LRRFIP1: variants seen among roughly 807,000 people sequenced by gnomAD.
The protein encoded by LRRFIP1 is LRR binding FLII interacting protein 1.
LRRFIP1 carries 62 observed loss-of-function variants against 104.4 expected under a neutral mutation model. That is an observed-to-expected ratio of 0.59 (90% CI 0.48 to 0.73). LRRFIP1 has a LOEUF of 0.73. LRRFIP1 is among the 30% of genes least tolerant of loss of function. The probability of loss-of-function intolerance (pLI) is 0.00; values close to 1 mark genes in which losing one functional copy is unlikely to be tolerated. For missense variants in LRRFIP1, 796 were observed against 824.5 expected (o/e 0.97, Z 0.42); for synonymous variants, 300 against 299.0 (o/e 1.00, Z -0.03).
intron 1 of LRRFIP1, among the ~76,000 whole-genome samples, chr2:237,644,389 C>T (rs1473416227): frequency 6.6e-6 from 1 of 152,216 alleles, no homozygotes; most frequent in Non-Finnish European, 1.5e-5. Flanking sequence ...TGTATTAACA[C>T]AGCCTGCCAG....
intron 19 of LRRFIP1, among the ~76,000 whole-genome samples, chr2:237,760,539 A>G (rs1433406453): frequency 6.6e-6 from 1 of 152,248 alleles, no homozygotes; most frequent in African/African-American, 2.4e-5. Flanking sequence ...CCTCAGACAC[A>G]TATATATCTG....
chr2:237,735,093 T>G lies in LRRFIP1; in HGVS notation c.490-175T>G, dbSNP rs2095191044. Among the ~76,000 whole-genome samples the G allele has an allele frequency of 6.6e-6, 1 of 152,186 alleles. No individual in the cohort carries two copies. Among genetic ancestry groups the G allele is most frequent in the Non-Finnish European group, 1.5e-5 (1 of 68,034 alleles). ...AAACCGGTCTCTCCTCATTTCCTTG[T>G]CGCACTCTGCAACCCTTTGAAGAGC... is the stretch of plus-strand genomic sequence containing the variant. On this transcript the variant is annotated intron_variant, in intron 9 of 23. Transcript: ENST00000308482. The surrounding 1 kb of genome is among the most constrained non-coding windows in gnomAD (Gnocchi z 4.6).
chr2:237,741,868 A>G (rs555015376), intron 11 of LRRFIP1, among the ~76,000 whole-genome samples: 1 of 152,222 alleles, frequency 6.6e-6, no homozygotes, highest in Admixed American at 6.5e-5. Context: ...AAAAGAAAAT[A>G]TAAGTATTTA....
chr2:237,763,344 C>G lies in LRRFIP1; in HGVS notation c.1459+3139C>G, dbSNP rs764557220. The stretch of plus-strand genomic sequence containing the variant: ...AGTACAGTAGACACTCAAAATGAAC[C>G]CTTAGATATGAAAGAGCCCGATGAA... On this transcript the variant is annotated intron_variant, in intron 19 of 23. Transcript: ENST00000308482. 3.7e-6 allele frequency: 6 copies of G among 1,613,832 alleles called. No individual in the cohort carries two copies. The highest frequency in any genetic ancestry group is 2.7e-5 in the African/African-American group (2 of 74,828).
intron 19 of LRRFIP1, among the ~76,000 whole-genome samples, chr2:237,761,330 A>G (rs2059844931): frequency 6.6e-6 from 1 of 152,228 alleles, no homozygotes; most frequent in African/African-American, 2.4e-5. Context: ...ATTCCAGGCC[A>G]GCCTGGCAAC....
chr2:237,640,538 A>AC (rs1381911873), intron 1 of LRRFIP1, among the ~76,000 whole-genome samples: 1 of 151,422 alleles, frequency 6.6e-6, no homozygotes, highest in Non-Finnish European at 1.5e-5. Context: ...GTCGTCCTTC[A>AC]CCCCCCAGGA....
intron 1 of LRRFIP1, among the ~76,000 whole-genome samples, chr2:237,651,230 T>A (rs557575760): frequency 6.6e-6 from 1 of 152,338 alleles, no homozygotes; most frequent in South Asian, 2.1e-4. Context: ...TCTTTCTTTT[T>A]CTGGGTGTCT....
At chr2:237,753,984 C>G (rs1033188207) in intron 15 of LRRFIP1, among the ~76,000 whole-genome samples, 1 of 152,072 alleles carries the variant, frequency 6.6e-6, no homozygotes, top group Non-Finnish European at 1.5e-5. Context: ...GTACCATACT[C>G]TTTGCCAAGT....
At chr2:237,763,415 AAGAC>A in intron 19 of LRRFIP1, 1 of 1,614,006 alleles carries the variant, frequency 6.2e-7, no homozygotes, top group Non-Finnish European at 8.5e-7. Flanking sequence ...ATCGCAGAAG[AAGAC>A]AAAGAACAAG....
intron 1 of LRRFIP1, among the ~76,000 whole-genome samples, chr2:237,641,417 A>G (rs1337916936): frequency 2.6e-5 from 4 of 151,242 alleles, no homozygotes; most frequent in African/African-American, 9.7e-5. Flanking sequence ...GAATCGCTTG[A>G]ACCCAGGAGG....
Position 237,649,853 on chromosome 2 carries a change from A to T in LRRFIP1, c.96+22113A>T, listed in dbSNP as rs71424985. 0.14 allele frequency among the ~76,000 whole-genome samples: 20,717 copies of T among 151,880 alleles called. 2,162 individuals carry two copies. Among genetic ancestry groups the T allele is most frequent in the Non-Finnish European group, 0.21 (14,529 of 67,860 alleles). On this transcript the variant is annotated intron_variant, in intron 1 of 23. Transcript: ENST00000308482. This position sits in a 1 kb window ranked among gnomAD's most constrained non-coding sequence, Gnocchi z 4.1. Reference sequence around the variant, plus strand: ...ACTTTTCCTCCGATTCAACAAAAAAAAAAATTGATTACCCCCCGGCATGTC... The same window carrying T: ...ACTTTTCCTCCGATTCAACAAAAAATAAAATTGATTACCCCCCGGCATGTC...
intron 1 of LRRFIP1, among the ~76,000 whole-genome samples, chr2:237,644,169 A>C (rs2084487681): frequency 6.6e-6 from 1 of 152,198 alleles, no homozygotes; most frequent in Non-Finnish European, 1.5e-5. Context: ...CTTTGGCCTC[A>C]TTGGGCGTTG....
intron 1 of LRRFIP1, among the ~76,000 whole-genome samples, chr2:237,681,274 C>CTCCCACAGT (rs1356519059): frequency 6.6e-6 from 1 of 152,208 alleles, no homozygotes; most frequent in Non-Finnish European, 1.5e-5. Context: ...ATGTTTACAA[C>CTCCCACAGT]TCCCACAGTT....
At chr2:237,659,903 T>C (rs986589052) in intron 1 of LRRFIP1, among the ~76,000 whole-genome samples, 2 of 152,084 alleles carry the variant, frequency 1.3e-5, no homozygotes, top group African/African-American at 4.8e-5. Flanking sequence ...CCTCCCAAAG[T>C]GTTGGTATTA....
At chr2:237,738,432 G>A (rs566329882) in intron 10 of LRRFIP1, among the ~76,000 whole-genome samples, 18 of 152,314 alleles carry the variant, frequency 1.2e-4, no homozygotes, top group Non-Finnish European at 2.2e-4. Context: ...CAGCAGTGGC[G>A]AGGCTTGCTA....
At chr2:237,657,346 A>C (rs1314941692) in intron 1 of LRRFIP1, among the ~76,000 whole-genome samples, 1 of 152,368 alleles carries the variant, frequency 6.6e-6, no homozygotes, top group East Asian at 1.9e-4. Context: ...ATATTTTCAC[A>C]TATGAATTAA....
chr2:237,643,623 G>T (rs59333370), intron 1 of LRRFIP1, among the ~76,000 whole-genome samples: 17,851 of 152,286 alleles, frequency 0.12, 1,233 homozygotes, highest in African/African-American at 0.19. Flanking sequence ...TCTCCCAGGG[G>T]AGAGCCTGGC....
At chr2:237,775,049 G>A (rs2060962499) in intron 23 of LRRFIP1, among the ~76,000 whole-genome samples, 1 of 152,272 alleles carries the variant, frequency 6.6e-6, no homozygotes, top group Admixed American at 6.5e-5. Context: ...GCCGGGCACG[G>A]GTTCAGGTGC....
chr2:237,771,975 TTC>T (rs1310265772), intron 20 of LRRFIP1, 104 bp from the exon 21 acceptor site: 1 of 714,022 alleles, frequency 1.4e-6, no homozygotes, highest in Admixed American at 2.3e-5. Flanking sequence ...ACAAAGTGCC[TTC>T]TGTCATTTGA....
Sources: gnomAD v4.1 joint callset for allele counts (sites outside exome capture counted in the v4.1 genomes callset) on GRCh38, gnomAD v4.1.1 for gene constraint, Gnocchi (gnomAD v3.1) non-coding constraint, MANE v1.5 for transcripts, NCBI Gene and HGNC (gene_info 2026-07-23, HGNC 2026-07-21) for gene names.